PDE1C: variants seen among roughly 807,000 people sequenced by gnomAD.
PDE1C encodes phosphodiesterase 1C.
A neutral mutation model predicts 93.1 loss-of-function variants in PDE1C; 62 were observed. That is an observed-to-expected ratio of 0.67 (90% CI 0.54 to 0.82). The LOEUF (loss-of-function observed/expected upper bound fraction) is 0.82. PDE1C is among the 40% of genes least tolerant of loss of function. The probability of loss-of-function intolerance (pLI) is 0.00; values close to 1 mark genes in which losing one functional copy is unlikely to be tolerated. For synonymous variants in PDE1C, 325 were observed against 310.1 expected, an observed-to-expected ratio of 1.05 and a Z score of -0.50; for missense variants, 742 against 884.6, an observed-to-expected ratio of 0.84 and a Z score of 2.04.
chr7:32,136,118 G>A (rs941918095), intron 3 of PDE1C, among the ~76,000 whole-genome samples: 5 of 152,084 alleles, frequency 3.3e-5, no homozygotes, highest in Non-Finnish European at 1.5e-5. Context: ...AGGTAGAGGT[G>A]GGGAAAATGG....
At chr7:31,905,715 G>T (rs1800508895) in intron 2 of PDE1C, among the ~76,000 whole-genome samples, 1 of 152,090 alleles carries the variant, frequency 6.6e-6, no homozygotes, top group South Asian at 2.1e-4. Context: ...ATACAAAATT[G>T]GTTAGTAGCT....
intron 1 of PDE1C, among the ~76,000 whole-genome samples, chr7:32,283,532 G>C (rs1811809416): frequency 1.3e-5 from 2 of 152,178 alleles, no homozygotes; most frequent in South Asian, 4.1e-4. Flanking sequence ...CTGAAATTAA[G>C]CTTTTTCTCT....
intron 1 of PDE1C, among the ~76,000 whole-genome samples, chr7:32,252,659 A>T (rs1809477143): frequency 6.6e-6 from 1 of 152,180 alleles, no homozygotes; most frequent in African/African-American, 2.4e-5. Flanking sequence ...GTGGGAGAGA[A>T]CTAAAAAATC....
intron 2 of PDE1C, among the ~76,000 whole-genome samples, chr7:31,962,403 C>A (rs758246266): frequency 1.5e-4 from 23 of 152,186 alleles, no homozygotes; most frequent in Admixed American, 3.3e-4. Context: ...ACCATCAGGA[C>A]AGAAAACAGA....
At chr7:31,663,055 CT>C in the PDE1C span, among the ~76,000 whole-genome samples, 1 of 152,180 alleles carries the variant, frequency 6.6e-6, no homozygotes, top group Non-Finnish European at 1.5e-5. Flanking sequence ...CTGTATGCCA[CT>C]TATAACTCCC....
chr7:32,417,983 TTTTTG>T (rs1332774121), intron 1 of PDE1C, among the ~76,000 whole-genome samples: 1 of 152,140 alleles, frequency 6.6e-6, no homozygotes. Flanking sequence ...TGTTTGTTTG[TTTTTG>T]TTTTGTTTTG....
At chr7:31,960,322 C>T (rs1026019632) in intron 2 of PDE1C, among the ~76,000 whole-genome samples, 2 of 152,196 alleles carry the variant, frequency 1.3e-5, no homozygotes, top group African/African-American at 4.8e-5. Flanking sequence ...GACACAACAT[C>T]ATTTCTGTGA....
At chr7:31,723,804 T>G in the PDE1C span, among the ~76,000 whole-genome samples, 2 of 152,208 alleles carry the variant, frequency 1.3e-5, no homozygotes, top group African/African-American at 4.8e-5. Context: ...CTTTAGTTAA[T>G]TCTCGTCTAC....
intron 2 of PDE1C, among the ~76,000 whole-genome samples, chr7:32,193,769 T>C (rs914566535): frequency 2.0e-5 from 3 of 152,178 alleles, no homozygotes; most frequent in African/African-American, 7.2e-5. Flanking sequence ...AGTCACACCA[T>C]GTGGACTCAA....
chr7:32,156,663 AT>A (rs1801594760), intron 3 of PDE1C, among the ~76,000 whole-genome samples: 1 of 152,178 alleles, frequency 6.6e-6, no homozygotes, highest in South Asian at 2.1e-4. Flanking sequence ...GTCTACACTG[AT>A]ACTAAAATGT....
chr7:32,390,457 G>A (rs73093948), intron 1 of PDE1C, among the ~76,000 whole-genome samples: 1 of 151,298 alleles, frequency 6.6e-6, no homozygotes, highest in Non-Finnish European at 1.5e-5. Flanking sequence ...ACAATGCATA[G>A]GACAGCTTCC....
intron 1 of PDE1C, among the ~76,000 whole-genome samples, chr7:32,058,112 T>C (rs1794347816): frequency 6.6e-6 from 1 of 152,308 alleles, no homozygotes; most frequent in African/African-American, 2.4e-5. Flanking sequence ...TTTCCTGGTA[T>C]GGGAAGTTGA....
chr7:31,887,064 G>T (rs1227747468), intron 2 of PDE1C, among the ~76,000 whole-genome samples: 2 of 152,112 alleles, frequency 1.3e-5, no homozygotes, highest in South Asian at 4.1e-4. Flanking sequence ...CTGAGTAGAG[G>T]AGCACACATA....
the PDE1C span, among the ~76,000 whole-genome samples, chr7:31,715,430 G>T: frequency 6.6e-6 from 1 of 152,048 alleles, no homozygotes; most frequent in South Asian, 2.1e-4. Flanking sequence ...GTAGAGATGG[G>T]GTTTCGCCAT....
chr7:31,718,027 G>A, the PDE1C span, among the ~76,000 whole-genome samples: 2 of 152,288 alleles, frequency 1.3e-5, no homozygotes, highest in South Asian at 4.2e-4. Flanking sequence ...ATAGCAGGTA[G>A]CATGGCCTTC....
At chr7:32,302,713 C>T (rs1000894974), upstream of PDE1C, among the ~76,000 whole-genome samples, 2 of 151,700 alleles carry the variant, frequency 1.3e-5, no homozygotes, top group Non-Finnish European at 2.9e-5. Context: ...TATAAGACAA[C>T]ATATATAGAA....
intron 17 of PDE1C, among the ~76,000 whole-genome samples, chr7:31,762,135 T>A (rs1440953431): frequency 6.6e-6 from 1 of 152,194 alleles, no homozygotes; most frequent in Non-Finnish European, 1.5e-5. Flanking sequence ...TTTATTTGCC[T>A]CTCTAAGACA....
In PDE1C at chr7:32,164,043, T is replaced by C. The variant is rs576607505; in HGVS notation, c.308+5742A>G. On this transcript the variant is annotated intron_variant, in intron 3 of 18. Transcript: ENST00000396193. ...TACTCAAATCATGTAGTTTAAAAGA[T>C]TGTTTGCAAATTCATACTTGTGGGA... Among the ~76,000 whole-genome samples the C allele has an allele frequency of 2.6e-5, 4 of 152,296 alleles. No homozygotes were observed. In the East Asian group the frequency reaches 7.7e-4, roughly 29 times the overall value.
intron 2 of PDE1C, among the ~76,000 whole-genome samples, chr7:31,919,065 C>G (rs1412534541): frequency 1.3e-5 from 2 of 152,048 alleles, no homozygotes; most frequent in Non-Finnish European, 2.9e-5. Flanking sequence ...CAGATAAATC[C>G]CAAAGTTCAA....
Sources: gnomAD v4.1 joint callset for allele counts (sites outside exome capture counted in the v4.1 genomes callset) on GRCh38, gnomAD v4.1.1 for gene constraint, MANE v1.5 for transcripts, NCBI Gene and HGNC (gene_info 2026-07-23, HGNC 2026-07-21) for gene names.